Variants in MYOF observed in about 807,000 individuals in gnomAD.
MYOF encodes fer-1-like 3, myoferlin.
Under a neutral mutation model 284.2 loss-of-function variants are expected in MYOF, and 244 were observed. That is an observed-to-expected ratio of 0.86 (90% CI 0.77 to 0.95). MYOF has a LOEUF of 0.95. MYOF is among the 40% of genes least tolerant of loss of function. The pLI is 0.00. For synonymous variants in MYOF, 904 were observed against 919.7 expected (o/e 0.98, Z 0.31); for missense variants, 2,496 against 2,560.6 (o/e 0.97, Z 0.54).
chr10:93,360,985 G>C (rs17108553), intron 28 of MYOF, among the ~76,000 whole-genome samples: 7,436 of 152,228 alleles, frequency 0.049, 596 homozygotes, highest in African/African-American at 0.17. Context: ...CTTTCCCTTG[G>C]ATTCTACATT....
At chr10:93,419,593 C>T (rs1303759529) in intron 5 of MYOF, among the ~76,000 whole-genome samples, 1 of 152,220 alleles carries the variant, frequency 6.6e-6, no homozygotes, top group African/African-American at 2.4e-5. Context: ...CTGTGCTAGG[C>T]ACCATGAATA....
intron 51 of MYOF, among the ~76,000 whole-genome samples, chr10:93,312,756 T>C (rs1177127123): frequency 6.6e-6 from 1 of 152,094 alleles, no homozygotes; most frequent in Non-Finnish European, 1.5e-5. Context: ...AAGGAAAATA[T>C]AGTGAAACCA....
intron 5 of MYOF, among the ~76,000 whole-genome samples, chr10:93,419,766 T>TA (rs1471308977): frequency 1.3e-5 from 2 of 152,244 alleles, no homozygotes; most frequent in Admixed American, 6.5e-5. Flanking sequence ...TCCTTGGTGG[T>TA]AAAACAATGG....
At chr10:93,349,733 T>TG (rs1844411696) in intron 36 of MYOF, 75 bp downstream of exon 36, 1 of 1,410,380 alleles carries the variant, frequency 7.1e-7, no homozygotes, top group African/African-American at 1.4e-5. Context: ...AACTCTGTGT[T>TG]TGTGTGTGTG....
intron 1 of MYOF, among the ~76,000 whole-genome samples, chr10:93,460,916 T>C (rs2056863062): frequency 6.6e-6 from 1 of 151,792 alleles, no homozygotes; most frequent in Non-Finnish European, 1.5e-5. Context: ...GCCAACTTGG[T>C]GAAACCCATC....
At chr10:93,342,064 A>C in intron 38 of MYOF, 66 of 839,034 alleles carry the variant, frequency 7.9e-5, no homozygotes, top group Non-Finnish European at 9.8e-5. Flanking sequence ...CTTATTTCTC[A>C]CTTTTCTTGT....
intron 50 of MYOF, 112 bp downstream of exon 50, chr10:93,316,602 C>A: frequency 2.1e-6 from 2 of 941,680 alleles, no homozygotes; most frequent in East Asian, 2.4e-5. Context: ...CCCCACCAGG[C>A]CCCCATTACC....
chr10:93,354,446 C>T (rs1844688990), intron 31 of MYOF, among the ~76,000 whole-genome samples: 1 of 152,076 alleles, frequency 6.6e-6, no homozygotes. Context: ...ATCAGGAAAA[C>T]ATTACCTTTG....
chr10:93,325,428 A>G (rs1843003563), intron 46 of MYOF, among the ~76,000 whole-genome samples: 1 of 152,178 alleles, frequency 6.6e-6, no homozygotes, highest in South Asian at 2.1e-4. Context: ...TGGTGGGCAA[A>G]GGAGCCAAGT....
At chr10:93,476,151 G>C (rs2057255802) in intron 1 of MYOF, among the ~76,000 whole-genome samples, 1 of 151,982 alleles carries the variant, frequency 6.6e-6, no homozygotes, top group Admixed American at 6.6e-5. Flanking sequence ...TGCTCACTGG[G>C]TGAACCAAGG....
intron 40 of MYOF, among the ~76,000 whole-genome samples, chr10:93,337,065 G>C (rs930994483): frequency 2.6e-5 from 4 of 151,710 alleles, no homozygotes; most frequent in African/African-American, 7.3e-5. Context: ...CTGAATGAAT[G>C]GTCCTTTATA....
At chr10:93,372,829 C>A (rs1341833826) in intron 24 of MYOF, 101 bp downstream of exon 24, 9 of 1,381,532 alleles carry the variant, frequency 6.5e-6, no homozygotes, top group Admixed American at 1.7e-5. Context: ...TCCCAATCAC[C>A]CTTACCATTC....
At chr10:93,430,501 G>T (rs992243393) in intron 4 of MYOF, among the ~76,000 whole-genome samples, 4 of 149,258 alleles carry the variant, frequency 2.7e-5, no homozygotes, top group Admixed American at 6.8e-5. Flanking sequence ...AGAATCACTT[G>T]AACCCAGGAG....
At chr10:93,436,155 A>G (rs921682856) in intron 3 of MYOF, among the ~76,000 whole-genome samples, 5 of 152,274 alleles carry the variant, frequency 3.3e-5, no homozygotes, top group Admixed American at 3.3e-4. Flanking sequence ...ATGTAATACA[A>G]TAGTGGGGCT....
chr10:93,465,538 C>CTTTTTTTTTTTTTTTTTTTT lies in MYOF; in HGVS notation c.89-8602_89-8601insAAAAAAAAAAAAAAAAAAAA, dbSNP rs71031511. ...CTTTTTTCTTTCTTTTTTTTCTTTT[C>CTTTTTTTTTTTTTTTTTTTT]TTTTTTTTTTTTTTTGAGATGACTG... On this transcript the variant is annotated intron_variant, in intron 1 of 53. Coordinates refer to ENST00000359263, the MANE Select transcript of MYOF (RefSeq NM_013451.4). Among the ~76,000 whole-genome samples the CTTTTTTTTTTTTTTTTTTTT allele has an allele frequency of 3.5e-3, 393 of 112,114 alleles. 5 individuals carry two copies. Among genetic ancestry groups the CTTTTTTTTTTTTTTTTTTTT allele is most frequent in the Middle Eastern group, 5.8e-3 (1 of 172 alleles). The allele number at this position is 112,114 out of a possible 152,430, so 73.6% of individuals were successfully genotyped here. A position where few individuals can be genotyped will look rare whatever the true frequency, so the allele number is the denominator to read the frequency against.
At chr10:93,350,046 T>G (rs1344227339) in intron 35 of MYOF, 77 bp from the exon 36 acceptor site, 14 of 1,368,788 alleles carry the variant, frequency 1.0e-5, no homozygotes, top group Non-Finnish European at 1.4e-5. Flanking sequence ...AATTCTGTCT[T>G]AATTACTGGC....
At chr10:93,397,061 T>A in intron 15 of MYOF, 186 bp downstream of exon 15, 1 of 505,142 alleles carries the variant, frequency 2.0e-6, no homozygotes. Flanking sequence ...ACCGAAATAA[T>A]CGAAGCTTTT....
intron 3 of MYOF, among the ~76,000 whole-genome samples, chr10:93,447,071 G>A (rs1279742167): frequency 6.6e-6 from 1 of 152,142 alleles, no homozygotes; most frequent in Non-Finnish European, 1.5e-5. Flanking sequence ...ACATAGCTCA[G>A]CACGATGCAT....
chr10:93,359,701 T>C, intron 29 of MYOF, 132 bp downstream of exon 29: 1 of 1,227,122 alleles, frequency 8.1e-7, no homozygotes. Context: ...TGGGCTCACT[T>C]TGAGAACCCT....
Sources: gnomAD v4.1 joint callset for allele counts (sites outside exome capture counted in the v4.1 genomes callset) on GRCh38, gnomAD v4.1.1 for gene constraint, MANE v1.5 for transcripts, NCBI Gene and HGNC (gene_info 2026-07-23, HGNC 2026-07-21) for gene names.